Variants in NTM observed in about 807,000 individuals in gnomAD.
NTM encodes the protein neurotrimin.
In NTM, 13 loss-of-function variants were observed where a neutral mutation model predicts 42.1. The observed-to-expected ratio is 0.31, with a 90% CI of 0.20 to 0.49. The LOEUF (loss-of-function observed/expected upper bound fraction) is 0.49, where lower values mean the gene tolerates loss of function less well. NTM is among the 20% of genes least tolerant of loss of function. The probability of loss-of-function intolerance (pLI) is 0.99; values close to 1 mark genes in which losing one functional copy is unlikely to be tolerated. For synonymous variants in NTM, 187 were observed against 179.2 expected, an observed-to-expected ratio of 1.04 and a Z score of -0.35; for missense variants, 373 against 452.8, an observed-to-expected ratio of 0.82 and a Z score of 1.60.
chr11:132,156,531 G>T (rs376846147), intron 3 of NTM, among the ~76,000 whole-genome samples: 3 of 152,316 alleles, frequency 2.0e-5, no homozygotes, highest in African/African-American at 7.2e-5. Context: ...TGTGTGATTG[G>T]TTGATTATGT....
At chr11:131,932,524 T>A (rs140625873) in intron 2 of NTM, among the ~76,000 whole-genome samples, 1 of 152,270 alleles carries the variant, frequency 6.6e-6, no homozygotes, top group Non-Finnish European at 1.5e-5. Flanking sequence ...AGAGCCAGAA[T>A]GTTGATCTTC....
At chr11:131,927,990 G>A (rs1202900667) in intron 2 of NTM, among the ~76,000 whole-genome samples, 1 of 152,004 alleles carries the variant, frequency 6.6e-6, no homozygotes, top group East Asian at 1.9e-4. Flanking sequence ...CTTAAGCTGG[G>A]ACTTAATTTG....
intron 2 of NTM, among the ~76,000 whole-genome samples, chr11:131,955,013 A>G (rs1008680207): frequency 1.3e-5 from 2 of 152,176 alleles, no homozygotes; most frequent in Non-Finnish European, 2.9e-5. Context: ...TACTGTTCAG[A>G]TGAACATCCT....
At chr11:131,483,427 T>C (rs4936133) in intron 1 of NTM, among the ~76,000 whole-genome samples, 21,982 of 152,094 alleles carry the variant, frequency 0.14, 2,732 homozygotes, top group East Asian at 0.45. Context: ...CCTAGTGCCA[T>C]AGAGCGACTT....
At chr11:131,497,723 A>G (rs1235181606) in intron 1 of NTM, among the ~76,000 whole-genome samples, 1 of 152,206 alleles carries the variant, frequency 6.6e-6, no homozygotes, top group Non-Finnish European at 1.5e-5. Flanking sequence ...CCAATGTATC[A>G]GTATGTTCAG....
At chr11:131,734,619 C>T (rs912898695) in intron 1 of NTM, among the ~76,000 whole-genome samples, 5 of 152,172 alleles carry the variant, frequency 3.3e-5, no homozygotes, top group Non-Finnish European at 5.9e-5. Flanking sequence ...GTGCTCGTAT[C>T]GCCCTATGTC....
At chr11:132,202,559 A>C (rs541285682) in intron 3 of NTM, among the ~76,000 whole-genome samples, 1 of 152,328 alleles carries the variant, frequency 6.6e-6, no homozygotes, top group Admixed American at 6.5e-5. Flanking sequence ...ATGTTAAAAA[A>C]TTGATGAAGA....
At chr11:131,513,436 A>G (rs1373742761) in intron 1 of NTM, among the ~76,000 whole-genome samples, 1 of 152,092 alleles carries the variant, frequency 6.6e-6, no homozygotes, top group African/African-American at 2.4e-5. Flanking sequence ...GACCAAAGAC[A>G]GAAAAAAAAA....
At chr11:131,529,024 A>G (rs548988770) in intron 1 of NTM, among the ~76,000 whole-genome samples, 1 of 152,184 alleles carries the variant, frequency 6.6e-6, no homozygotes, top group African/African-American at 2.4e-5. Context: ...TTGCAATGGG[A>G]TTGAGTATCG....
Position 131,976,743 on chromosome 11 carries a change from C to T in NTM, c.167+65095C>T, listed in dbSNP as rs148945561. 2.2e-3 allele frequency among the ~76,000 whole-genome samples: 335 copies of T among 152,296 alleles called. 3 individuals are homozygous for T. Among genetic ancestry groups the T allele is most frequent in the African/African-American group, 6.9e-3 (287 of 41,570 alleles). ...AGAATACAAAGTCTTCTTCAGGCCT[C>T]TGTTTCTAATTTGCAGAAGAAAACA... On this transcript the variant is annotated intron_variant, in intron 2 of 8. Coordinates refer to ENST00000683400, the MANE Select transcript of NTM (RefSeq NM_001352005.2).
chr11:131,482,238 C>G (rs59104472), intron 1 of NTM, among the ~76,000 whole-genome samples: 8,184 of 152,206 alleles, frequency 0.054, 741 homozygotes, highest in African/African-American at 0.19. Context: ...GTTGCCACTC[C>G]CCCAGACAAT....
chr11:132,295,557 G>A lies in NTM; in HGVS notation c.527-12132G>A, dbSNP rs766978411. On this transcript the variant is annotated intron_variant, in intron 4 of 8. Transcript: ENST00000683400. The stretch of plus-strand genomic sequence containing the variant: ...GGAGGCCCGGAAGTTTGAATGTGAC[G>A]AAAGGGTTCCCAGAGCAGTGATTGC... 4.6e-5 allele frequency among the ~76,000 whole-genome samples: 7 copies of A among 152,318 alleles called. No individual in the cohort carries two copies. In the South Asian group the frequency reaches 6.2e-4, roughly 14 times the overall value.
intron 1 of NTM, chr11:131,910,830 C>T (rs1260107694): frequency 2.8e-5 from 28 of 984,738 alleles, no homozygotes; most frequent in Non-Finnish European, 3.1e-5. Context: ...GGCCGCAGCG[C>T]GCATTTGGGC....
At chr11:131,661,001 G>GA (rs2067970133) in intron 1 of NTM, 1 of 1,304,388 alleles carries the variant, frequency 7.7e-7, no homozygotes, top group Non-Finnish European at 1.0e-6. Flanking sequence ...AAAATGAACG[G>GA]AAAAAGAAAC....
intron 2 of NTM, among the ~76,000 whole-genome samples, chr11:131,990,155 G>A (rs73586644): frequency 0.023 from 3,447 of 152,020 alleles, 134 homozygotes; most frequent in African/African-American, 0.079. Context: ...ACCTAAGGCT[G>A]GAATTATTTT....
intron 1 of NTM, among the ~76,000 whole-genome samples, chr11:131,791,471 C>G (rs756150304): frequency 1.3e-5 from 2 of 152,108 alleles, no homozygotes; most frequent in Non-Finnish European, 2.9e-5. Flanking sequence ...CACGGATGTA[C>G]AACTTATAAA....
intron 2 of NTM, among the ~76,000 whole-genome samples, chr11:132,067,248 C>G (rs2056650857): frequency 6.6e-6 from 1 of 152,228 alleles, no homozygotes; most frequent in African/African-American, 2.4e-5. Flanking sequence ...CTGTACCCAA[C>G]CAGCTTTTGT....
intron 1 of NTM, among the ~76,000 whole-genome samples, chr11:131,477,076 TG>T (rs1398985329): frequency 3.9e-5 from 6 of 152,054 alleles, no homozygotes; most frequent in Admixed American, 3.9e-4. Context: ...ACCCAGACTC[TG>T]GGAGGGTAGC....
chr11:132,152,951 G>A (rs555572202), intron 3 of NTM, among the ~76,000 whole-genome samples: 45 of 152,156 alleles, frequency 3.0e-4, no homozygotes, highest in Non-Finnish European at 4.7e-4. Context: ...CAGAAGAGTG[G>A]ATAAAAATAG....
Sources: gnomAD v4.1 joint callset for allele counts (sites outside exome capture counted in the v4.1 genomes callset) on GRCh38, gnomAD v4.1.1 for gene constraint, MANE v1.5 for transcripts, NCBI Gene and HGNC (gene_info 2026-07-23, HGNC 2026-07-21) for gene names.